Variants in NRK observed in about 807,000 individuals in gnomAD.
The protein encoded by NRK is nik-related protein kinase.
A neutral mutation model predicts 125.2 loss-of-function variants in NRK; 67 were observed. The observed-to-expected ratio is 0.54, with a 90% CI of 0.44 to 0.66. The LOEUF (loss-of-function observed/expected upper bound fraction) is 0.66, where lower values mean the gene tolerates loss of function less well. NRK is among the 30% of genes least tolerant of loss of function. The probability of loss-of-function intolerance (pLI) is 0.00; values close to 1 mark genes in which losing one functional copy is unlikely to be tolerated. For missense variants in NRK, 1,224 were observed against 1,192.9 expected (o/e 1.03, Z -0.38); for synonymous variants, 458 against 429.0 (o/e 1.07, Z -0.84).
intron 5 of NRK, among the ~76,000 whole-genome samples, chrX:105,891,637 G>T (rs1253143256): frequency 9.0e-6 from 1 of 111,529 alleles, no homozygotes; most frequent in Non-Finnish European, 1.9e-5. Context: ...CAGAGAGCCT[G>T]ATAAAACACC....
chrX:105,893,924 C>T lies in NRK; in HGVS notation c.471C>T (p.Ile157=). 1 of 1,142,977 alleles carries T rather than the reference C, an allele frequency of 8.7e-7. No homozygotes were observed. The highest frequency in any genetic ancestry group is 1.2e-6 in the Non-Finnish European group (1 of 834,086). The allele number at this position is 1,142,977 out of a possible 1,213,427, so 94.2% of individuals were successfully genotyped here. A position where few individuals can be genotyped will look rare whatever the true frequency, so the allele number is the denominator to read the frequency against. The change falls in exon 6 of 29, where the codon ATC becomes ATT. Residue 157 remains isoleucine, a synonymous_variant. Transcript: ENST00000243300. ...TAAAAGAAGATTGGATTGCTTATAT[C>T]TGCCGAGAAATCCTTCAGGTGAGTC... The part of the protein sequence containing the change: ...QSLKEDWIAY[I]CREILQGLAH...
chrX:105,823,232 C>T (rs1230093742), intron 1 of NRK, among the ~76,000 whole-genome samples: 5 of 112,287 alleles, frequency 4.5e-5, no homozygotes, highest in African/African-American at 9.7e-5. Context: ...CCTGTCCTAG[C>T]CCGCTCGTTC....
rs2147756920 is a variant in NRK at position 105,915,745 on chromosome X, CCTT to C, written c.2368_2370del (p.Ser790del). 2 of 1,146,694 alleles carry C rather than the reference CCTT, an allele frequency of 1.7e-6. No individual in the cohort carries two copies. The highest frequency in any genetic ancestry group is 6.0e-5 in the East Asian group (2 of 33,193). 94.5% of individuals were successfully genotyped at this position (1,146,694 alleles called of 1,213,427 possible). A position where few individuals can be genotyped will look rare whatever the true frequency, so the allele number is the denominator to read the frequency against. On this transcript the variant is annotated inframe_deletion, in exon 15 of 29. Coordinates refer to ENST00000243300, the MANE Select transcript of NRK (RefSeq NM_198465.4). ...TGTCTTTAAGGTTCAAGAGAGATCT[CCTT>C]CTGTGCCTAACAACCAGGATCATGC...
chrX:105,840,855 GTA>G lies in NRK; in HGVS notation c.123+9751_123+9752del, dbSNP rs752523135. ...TGTATGTATGTGTCTGTGTGTGTGT[GTA>G]TATATATATATATACATAGAGAGAG... On this transcript the variant is annotated intron_variant, in intron 2 of 28. Coordinates refer to ENST00000243300, the MANE Select transcript of NRK (RefSeq NM_198465.4). 4.8e-3 allele frequency among the ~76,000 whole-genome samples: 482 copies of G among 99,617 alleles called. 4 individuals carry two copies. The highest frequency in any genetic ancestry group is 0.018 in the African/African-American group (416 of 23,208). 86.5% of individuals were successfully genotyped at this position (99,617 alleles called of 115,157 possible).
chrX:105,946,583 A>T, intron 26 of NRK, 119 bp downstream of exon 26: 1 of 521,294 alleles, frequency 1.9e-6, no homozygotes, highest in East Asian at 3.6e-5. Flanking sequence ...CGGAACTGAG[A>T]CATAAAAGGT....
intron 27 of NRK, among the ~76,000 whole-genome samples, chrX:105,951,007 C>T (rs1390476405): frequency 5.5e-5 from 6 of 108,232 alleles, no homozygotes; most frequent in Non-Finnish European, 1.2e-4. Flanking sequence ...CAGAATCCTT[C>T]TTCTTTTTTT....
At position 105,955,757 on chromosome X, in the gene NRK, A is replaced by T. The variant is rs2040968635; in HGVS notation, c.*157A>T. On this transcript the variant is annotated 3_prime_UTR_variant, in exon 29 of 29. Transcript: ENST00000243300. ...TAGCACAGAATAGTTTTAATGAGAA[A>T]TGCAGCTTTATGTATAAAATTAACT... is the stretch of plus-strand genomic sequence containing the variant. 1 of 396,867 alleles carries T rather than the reference A, an allele frequency of 2.5e-6. No individual in the cohort carries two copies. The highest frequency in any genetic ancestry group is 2.5e-5 in the African/African-American group (1 of 39,864). The allele number at this position is 396,867 out of a possible 1,213,427, so 32.7% of individuals were successfully genotyped here.
intron 4 of NRK, among the ~76,000 whole-genome samples, chrX:105,886,368 T>G (rs1402664598): frequency 9.4e-6 from 1 of 106,282 alleles, no homozygotes; most frequent in Admixed American, 1.0e-4. Flanking sequence ...AAATGCATAA[T>G]GATATGATCA....
intron 27 of NRK, among the ~76,000 whole-genome samples, chrX:105,950,374 T>A (rs1268884140): frequency 2.7e-5 from 3 of 111,023 alleles, no homozygotes; most frequent in African/African-American, 9.8e-5. Flanking sequence ...TTCTTGTATA[T>A]GTTCTGAGGC....
intron 2 of NRK, among the ~76,000 whole-genome samples, chrX:105,858,696 G>A (rs961050301): frequency 1.8e-5 from 2 of 110,983 alleles, no homozygotes; most frequent in Admixed American, 1.9e-4. Context: ...TTTGGGGGAA[G>A]GGTAGGAGGG....
At chrX:105,914,600 T>C (rs2040341836) in intron 14 of NRK, among the ~76,000 whole-genome samples, 2 of 109,856 alleles carry the variant, frequency 1.8e-5, no homozygotes, top group African/African-American at 6.6e-5. Flanking sequence ...ACAATAAACT[T>C]CCTAAGATCA....
chrX:105,869,805 G>T (rs1221013091), intron 2 of NRK, among the ~76,000 whole-genome samples: 1 of 109,268 alleles, frequency 9.2e-6, no homozygotes, highest in Non-Finnish European at 1.9e-5. Context: ...TCAACTAGTT[G>T]TGCTGTTTGA....
In NRK at chrX:105,875,158, G is replaced by T. The variant is rs192080701; in HGVS notation, c.124-5041G>T. ...TGGTTCTATTCTCTAATTGTTTCTG[G>T]TGTATACATCTTACAAACTATAAAT... On this transcript the variant is annotated intron_variant, in intron 2 of 28. Transcript: ENST00000243300. 4.5e-5 allele frequency among the ~76,000 whole-genome samples: 5 copies of T among 111,280 alleles called. No individual in the cohort carries two copies. In the East Asian group the frequency reaches 1.1e-3, roughly 25 times the overall value.
chrX:105,885,663 G>A (rs1442935528), intron 4 of NRK, among the ~76,000 whole-genome samples: 1 of 111,736 alleles, frequency 8.9e-6, no homozygotes, highest in Non-Finnish European at 1.9e-5. Context: ...GAAACTTTGA[G>A]AGAATTGCTT....
intron 1 of NRK, 128 bp downstream of exon 1, chrX:105,823,030 G>A (rs1602581608): frequency 1.6e-6 from 1 of 623,122 alleles, no homozygotes; most frequent in Admixed American, 4.1e-5. Flanking sequence ...GGGCGCGGAA[G>A]GGGATCCTGG....
chrX:105,939,920 C>G lies in NRK; in HGVS notation c.3846C>G (p.Asn1282Lys), dbSNP rs778421031. 8.4e-7 allele frequency: 1 copy of G among 1,191,937 alleles called. No individual in the cohort carries two copies. Among genetic ancestry groups the G allele is most frequent in the Admixed American group, 2.2e-5 (1 of 45,381 alleles). The change falls in exon 23 of 29, where the codon AAC (asparagine) becomes AAG (lysine). Residue 1282 changes from asparagine to lysine, a missense_variant. Physicochemically the swap from Asn to Lys is moderately conservative, Grantham distance 94. Coordinates refer to ENST00000243300, the MANE Select transcript of NRK (RefSeq NM_198465.4). ...LRVYHLTWLR[N>K]KILNNDPESK... ...TGTATCATCTGACCTGGTTGAGGAACAAGATTTTGAATAATGATCCAGAAA... is the reference window on the plus strand; with the variant it reads ...TGTATCATCTGACCTGGTTGAGGAAGAAGATTTTGAATAATGATCCAGAAA...
intron 8 of NRK, among the ~76,000 whole-genome samples, chrX:105,900,384 C>T (rs767899991): frequency 9.0e-6 from 1 of 111,569 alleles, no homozygotes; most frequent in African/African-American, 3.3e-5. Flanking sequence ...GATGAACTTT[C>T]CTTGAGCTTA....
At chrX:105,890,796 G>T (rs1451895058) in intron 5 of NRK, among the ~76,000 whole-genome samples, 1 of 111,627 alleles carries the variant, frequency 9.0e-6, no homozygotes, top group African/African-American at 3.3e-5. Context: ...AATTATGGGA[G>T]CTACAATTCA....
chrX:105,826,494 C>G (rs767583629), intron 1 of NRK, among the ~76,000 whole-genome samples: 6 of 100,356 alleles, frequency 6.0e-5, no homozygotes, highest in Non-Finnish European at 1.2e-4. Flanking sequence ...TGACTATCCC[C>G]TTTGCCTTCT....
Sources: gnomAD v4.1 joint callset for allele counts (sites outside exome capture counted in the v4.1 genomes callset) on GRCh38, gnomAD v4.1.1 for gene constraint, MANE v1.5 for transcripts, NCBI Gene and HGNC (gene_info 2026-07-23, HGNC 2026-07-21) for gene names.